Variants in EPM2A observed in about 807,000 individuals in gnomAD.
The protein encoded by EPM2A is EPM2A glucan phosphatase, laforin.
A neutral mutation model predicts 26.5 loss-of-function variants in EPM2A; 21 were observed. The ratio of observed to expected loss-of-function variants is 0.79; its 90% CI spans 0.56 to 1.14. The LOEUF is 1.14. Ranked by LOEUF, EPM2A falls within the 50% of genes most tolerant of loss-of-function variation. The pLI, the probability that EPM2A is intolerant of heterozygous loss-of-function variation, is 0.00. For missense variants in EPM2A, 458 were observed against 440.8 expected, an observed-to-expected ratio of 1.04 and a Z score of -0.35; for synonymous variants, 217 against 177.6, an observed-to-expected ratio of 1.22 and a Z score of -1.76.
downstream of EPM2A, among the ~76,000 whole-genome samples, chr6:145,500,349 G>A (rs1039910500): frequency 7.2e-5 from 11 of 152,160 alleles, no homozygotes; most frequent in South Asian, 4.1e-4. Flanking sequence ...TGTAGTCCCA[G>A]TAGAGGTGAG....
rs1778629101 is a variant in EPM2A, at chr6:145,410,471, G to GTC, written c.556-26375_556-26374insGA. Reference sequence around the variant, plus strand: ...TGACTGACATGATGAAATTAATACTGTAAGACAATTAAAATAAGGACATCT... The same window carrying GTC: ...TGACTGACATGATGAAATTAATACTGTCTAAGACAATTAAAATAAGGACATCT... On this transcript the variant is annotated intron_variant, in intron 4 of 4. Transcript: ENST00000638717. Among the ~76,000 whole-genome samples, 3 of 152,288 alleles carry GTC rather than the reference G, an allele frequency of 2.0e-5. No individual in the cohort carries two copies. The South Asian group carries it at 6.2e-4, about 32-fold the overall frequency.
intron 4 of EPM2A, among the ~76,000 whole-genome samples, chr6:145,426,818 C>T (rs1480463406): frequency 6.6e-6 from 1 of 152,094 alleles, no homozygotes; most frequent in Non-Finnish European, 1.5e-5. Context: ...CATCTACATT[C>T]TTAATTGACT....
In EPM2A at chr6:145,505,312, A is replaced by G. The variant is rs150684822; in HGVS notation, c.341-2737T>C. Among the ~76,000 whole-genome samples, 6 of 152,228 alleles carry G rather than the reference A, an allele frequency of 3.9e-5. No individual in the cohort carries two copies. The East Asian group carries it at 1.2e-3, about 29-fold the overall frequency. On this transcript the variant is annotated intron_variant, in intron 2 of 3. Coordinates refer to the EPM2A transcript ENST00000450221. ...AAAAGGTGCATGAATAGTACATAGA[A>G]TTTCTGTATATCTATCTAGATCTCC...
chr6:145,594,826 C>G (rs1009278028), intron 2 of EPM2A, among the ~76,000 whole-genome samples: 4 of 151,382 alleles, frequency 2.6e-5, no homozygotes, highest in Non-Finnish European at 5.9e-5. Flanking sequence ...ATACATGTTC[C>G]CTAGTGAATT....
intron 2 of EPM2A, among the ~76,000 whole-genome samples, chr6:145,529,600 A>G (rs542365495): frequency 1.6e-4 from 25 of 152,328 alleles, no homozygotes; most frequent in African/African-American, 6.0e-4. Context: ...GTGTAACCCT[A>G]ACATTTTACA....
intron 2 of EPM2A, among the ~76,000 whole-genome samples, chr6:145,516,872 G>C (rs755202302): frequency 3.3e-5 from 5 of 152,142 alleles, no homozygotes; most frequent in African/African-American, 4.8e-5. Flanking sequence ...TTGAAATCAG[G>C]ATCTTGAAGA....
At chr6:145,595,549 CTT>C (rs1213548487) in intron 2 of EPM2A, among the ~76,000 whole-genome samples, 1 of 152,034 alleles carries the variant, frequency 6.6e-6, no homozygotes, top group Non-Finnish European at 1.5e-5. Context: ...TTTTCATAGA[CTT>C]TGTCTATTCA....
At chr6:145,515,199 GACTACA>G (rs1273555559) in intron 2 of EPM2A, among the ~76,000 whole-genome samples, 1 of 152,188 alleles carries the variant, frequency 6.6e-6, no homozygotes, top group African/African-American at 2.4e-5. Flanking sequence ...CCTTGGTAAT[GACTACA>G]ACTTATCATG....
intron 2 of EPM2A, among the ~76,000 whole-genome samples, chr6:145,577,181 CA>C (rs1554252098): frequency 1.3e-5 from 2 of 151,860 alleles, no homozygotes; most frequent in Non-Finnish European, 2.9e-5. Context: ...TCTTACCTAT[CA>C]ATAATAACAT....
At chr6:145,562,872 A>G (rs1045438925) in intron 2 of EPM2A, among the ~76,000 whole-genome samples, 1 of 151,664 alleles carries the variant, frequency 6.6e-6, no homozygotes. Flanking sequence ...AAATGTGAGC[A>G]AAGTTCTAGG....
At chr6:145,705,296 C>A (rs1240425412) in intron 1 of EPM2A, among the ~76,000 whole-genome samples, 1 of 151,866 alleles carries the variant, frequency 6.6e-6, no homozygotes, top group Non-Finnish European at 1.5e-5. Flanking sequence ...CAAAAACAAA[C>A]AAACAAACAA....
At chr6:145,413,480 T>C (rs1165871117) in intron 4 of EPM2A, among the ~76,000 whole-genome samples, 1 of 152,174 alleles carries the variant, frequency 6.6e-6, no homozygotes, top group South Asian at 2.1e-4. Context: ...AGAATCTTAA[T>C]AGTAGACAAA....
chr6:145,513,383 T>C (rs1305204702), intron 2 of EPM2A, among the ~76,000 whole-genome samples: 1 of 152,146 alleles, frequency 6.6e-6, no homozygotes, highest in Admixed American at 6.5e-5. Context: ...GAATGGCTAT[T>C]ATTAAAAAGC....
intron 4 of EPM2A, among the ~76,000 whole-genome samples, chr6:145,424,473 G>A (rs1374723607): frequency 6.6e-6 from 1 of 152,196 alleles, no homozygotes; most frequent in Non-Finnish European, 1.5e-5. Context: ...GTGTAGAAGT[G>A]TAAATGATGA....
intron 1 of EPM2A, among the ~76,000 whole-genome samples, chr6:145,687,698 C>T (rs547200906): frequency 5.9e-5 from 9 of 152,230 alleles, no homozygotes; most frequent in South Asian, 4.2e-4. Flanking sequence ...ATTTGCTTGG[C>T]GTAAGCTCTC....
chr6:145,408,410 C>T (rs1397981017), intron 4 of EPM2A, among the ~76,000 whole-genome samples: 1 of 152,100 alleles, frequency 6.6e-6, no homozygotes, highest in Admixed American at 6.6e-5. Context: ...TTTCTCTGGC[C>T]CCTCTACGCT....
chr6:145,616,432 G>C (rs1775513903), intron 2 of EPM2A, among the ~76,000 whole-genome samples: 3 of 152,238 alleles, frequency 2.0e-5, no homozygotes, highest in African/African-American at 7.2e-5. Context: ...GGCTCTCATG[G>C]AGAACCTCTG....
intron 2 of EPM2A, among the ~76,000 whole-genome samples, chr6:145,613,707 T>C (rs1260037030): frequency 1.3e-5 from 2 of 152,206 alleles, no homozygotes; most frequent in African/African-American, 4.8e-5. Context: ...TAAGCATTTG[T>C]ATTTGGAAAG....
At chr6:145,705,429 C>T in intron 1 of EPM2A, 1 of 390,818 alleles carries the variant, frequency 2.6e-6, no homozygotes, top group Non-Finnish European at 5.0e-6. Context: ...GGCGCACACA[C>T]CTGTAGTCTC....
Sources: allele counts gnomAD v4.1 joint callset (sites outside exome capture counted in the v4.1 genomes callset), GRCh38; gene constraint gnomAD v4.1.1; transcripts MANE v1.5; gene names NCBI Gene and HGNC (gene_info 2026-07-23, HGNC 2026-07-21).